CCDC62: variants seen among roughly 807,000 people sequenced by gnomAD.
CCDC62 encodes coiled-coil domain-containing protein 62.
Under a neutral mutation model 80.8 loss-of-function variants are expected in CCDC62, and 72 were observed. That is an observed-to-expected ratio of 0.89 (90% CI 0.74 to 1.08). The LOEUF (loss-of-function observed/expected upper bound fraction) is 1.08, where lower values mean the gene tolerates loss of function less well. Among genes scored for constraint, CCDC62 ranks in the 50% least tolerant of loss-of-function variants. The pLI is 0.00. For synonymous variants in CCDC62, 286 were observed against 296.5 expected, an observed-to-expected ratio of 0.96 and a Z score of 0.36; for missense variants, 704 against 809.4, an observed-to-expected ratio of 0.87 and a Z score of 1.58.
chr12:122,822,539 A>G (rs115672309), intron 11 of CCDC62, among the ~76,000 whole-genome samples: 2 of 147,948 alleles, frequency 1.4e-5, no homozygotes, highest in Non-Finnish European at 3.0e-5. Context: ...GCCTCTGGTA[A>G]TCACTATTCT....
chr12:122,806,403 CGTTT>C, intron 10 of CCDC62, 108 bp downstream of exon 10: 2 of 582,476 alleles, frequency 3.4e-6, no homozygotes, highest in Non-Finnish European at 2.5e-6. Flanking sequence ...GCTATTCCTC[CGTTT>C]TTTTTTTTTT....
intron 10 of CCDC62, among the ~76,000 whole-genome samples, chr12:122,812,777 G>GAAACAAAGAA (rs1555257980): frequency 1.7e-5 from 1 of 57,760 alleles, no homozygotes; most frequent in Non-Finnish European, 3.1e-5. Context: ...GAGAGAGAGA[G>GAAACAAAGAA]AGAAAGAAAG....
chr12:122,825,172 A>C (rs1046907339), intron 12 of CCDC62, among the ~76,000 whole-genome samples: 1 of 151,788 alleles, frequency 6.6e-6, no homozygotes, highest in Non-Finnish European at 1.5e-5. Flanking sequence ...TCCAGAAAGA[A>C]GTTTTTTGTT....
intron 10 of CCDC62, among the ~76,000 whole-genome samples, chr12:122,812,756 G>GGAGAGA (rs551370561): frequency 4.2e-4 from 37 of 88,838 alleles, no homozygotes; most frequent in African/African-American, 1.6e-3. Context: ...AGAGAGGGAG[G>GGAGAGA]GAGAGAGAGA....
chr12:122,806,188 T>G lies in CCDC62; in HGVS notation c.1744T>G (p.Ser582Ala). The G allele has an allele frequency of 2.5e-6, 4 of 1,613,816 alleles. No individual in the cohort carries two copies. The highest frequency in any genetic ancestry group is 3.4e-6 in the Non-Finnish European group (4 of 1,179,836). Residue 582 changes from serine (S) to alanine (A), a missense_variant, in exon 10 of 13, where the codon TCT becomes GCT. By Grantham distance (99) the Ser-to-Ala change is moderately conservative (BLOSUM62 1). Transcript: ENST00000253079. ...CATCCAAGATTCCCACTCTTTGGGTTCTTCAAAATCTGCCTTGAGAGAAGA... is the reference window on the plus strand; with the variant it reads ...CATCCAAGATTCCCACTCTTTGGGTGCTTCAAAATCTGCCTTGAGAGAAGA... ...IAIQDSHSLG[S>A]SKSALREDET...
intron 4 of CCDC62, among the ~76,000 whole-genome samples, chr12:122,786,373 C>T (rs1172624840): frequency 1.3e-5 from 2 of 151,958 alleles, no homozygotes; most frequent in African/African-American, 4.8e-5. Context: ...TGGTCTCGAT[C>T]TCCTGACCTC....
intron 6 of CCDC62, among the ~76,000 whole-genome samples, 161 bp downstream of exon 6, chr12:122,792,282 G>A (rs529984809): frequency 6.8e-6 from 1 of 147,828 alleles, no homozygotes. Context: ...GTGCAGTGGT[G>A]CAATCTCGTC....
intron 10 of CCDC62, among the ~76,000 whole-genome samples, chr12:122,811,959 C>G (rs1161204463): frequency 6.6e-6 from 1 of 151,358 alleles, no homozygotes; most frequent in Non-Finnish European, 1.5e-5. Context: ...CACATACCCA[C>G]ATATTTTTCA....
At chr12:122,775,174 C>T (rs1473518253) in intron 1 of CCDC62, among the ~76,000 whole-genome samples, 1 of 151,520 alleles carries the variant, frequency 6.6e-6, no homozygotes, top group Non-Finnish European at 1.5e-5. Flanking sequence ...CCCAATAACA[C>T]CTTGTTATTC....
intron 10 of CCDC62, among the ~76,000 whole-genome samples, chr12:122,812,808 A>AAAGAAAGAAAGAAAGAAAG (rs1370059481): frequency 2.1e-5 from 3 of 143,118 alleles, no homozygotes; most frequent in Admixed American, 1.4e-4. Context: ...AGAAAGAAAG[A>AAAGAAAGAAAGAAAGAAAG]AAGAAAGAAA....
chr12:122,807,711 A>ATCACTAT (rs1362508171), intron 10 of CCDC62, among the ~76,000 whole-genome samples: 159 of 152,220 alleles, frequency 1.0e-3, no homozygotes, highest in Non-Finnish European at 1.8e-3. Context: ...TGACAGACTA[A>ATCACTAT]TAGTGACACA....
At chr12:122,793,418 A>C (rs80023119) in intron 6 of CCDC62, among the ~76,000 whole-genome samples, 8,469 of 152,144 alleles carry the variant, frequency 0.056, 412 homozygotes, top group East Asian at 0.27. Flanking sequence ...CAAGCTCTCT[A>C]TGTCAGTCAT....
intron 1 of CCDC62, among the ~76,000 whole-genome samples, chr12:122,775,093 CAAAA>C (rs36059141): frequency 1.8e-3 from 111 of 60,500 alleles, no homozygotes; most frequent in African/African-American, 6.4e-3. Context: ...GACTCCGTCT[CAAAA>C]AAAAAAAAAA....
intron 6 of CCDC62, among the ~76,000 whole-genome samples, chr12:122,796,198 C>T (rs1249527542): frequency 2.6e-5 from 4 of 151,746 alleles, no homozygotes; most frequent in South Asian, 4.2e-4. Flanking sequence ...CCTCCCCCAC[C>T]GCCCCCCGAC....
At chr12:122,808,867 C>A (rs2031738780) in intron 10 of CCDC62, among the ~76,000 whole-genome samples, 1 of 152,192 alleles carries the variant, frequency 6.6e-6, no homozygotes, top group South Asian at 2.1e-4. Flanking sequence ...TTCCCACCAT[C>A]AGTGTGGTGC....
In CCDC62 at chr12:122,792,056, A is replaced by C. The variant is rs372331925; in HGVS notation, c.707A>C (p.Gln236Pro). 6.2e-7 allele frequency: 1 copy of C among 1,613,996 alleles called. No homozygotes were observed. The highest frequency in any genetic ancestry group is 8.5e-7 in the Non-Finnish European group (1 of 1,179,978). ...GAAAAGACGACAGAAAATAATGAGC[A>C]ACGAGAAGAGATCATTCGCCTCAAG... ...LNEKTTENNE[Q>P]REEIIRLKQE... is the part of the protein sequence containing the mutation. The change falls in exon 6 of 13, where the codon CAA becomes CCA. Residue 236 changes from glutamine to proline, a missense_variant. Transcript: ENST00000253079.
rs764402425 is a variant in CCDC62 at position 122,777,523 on chromosome 12, C to T, written c.69C>T (p.Ile23=). Residue 23 remains isoleucine, a synonymous_variant, in exon 2 of 13, where the codon ATC becomes ATT. Coordinates refer to ENST00000253079, the MANE Select transcript of CCDC62 (RefSeq NM_201435.5). ...GGTCAGAAGTTGAGATTTCCACTAT[C>T]GAGAAACAACGGAAGGAGCTGCAGT... ...NIGSEVEIST[I]EKQRKELQLL... 4 of 1,613,604 alleles carry T rather than the reference C, an allele frequency of 2.5e-6. No homozygotes were observed. Among genetic ancestry groups the T allele is most frequent in the African/African-American group, 1.3e-5 (1 of 74,886 alleles).
At chr12:122,803,119 A>G (rs1448232663) in intron 9 of CCDC62, among the ~76,000 whole-genome samples, 1 of 152,074 alleles carries the variant, frequency 6.6e-6, no homozygotes, top group East Asian at 1.9e-4. Flanking sequence ...GGCTTAAGCA[A>G]TCTTTTCACC....
chr12:122,812,791 G>GAAAGAA, intron 10 of CCDC62, among the ~76,000 whole-genome samples: 1 of 141,898 alleles, frequency 7.0e-6, no homozygotes, highest in African/African-American at 2.8e-5. Context: ...AAGAAAGAAA[G>GAAAGAA]AAAGAAAGAA....
Sources: allele counts gnomAD v4.1 joint callset (sites outside exome capture counted in the v4.1 genomes callset), GRCh38; gene constraint gnomAD v4.1.1; transcripts MANE v1.5; gene names NCBI Gene and HGNC (gene_info 2026-07-23, HGNC 2026-07-21).